HBS1L: variants seen among roughly 807,000 people sequenced by gnomAD.
The protein encoded by HBS1L is HBS1 like translational GTPase, also known as HBS1-like protein.
A neutral mutation model predicts 88.9 loss-of-function variants in HBS1L; 55 were observed. The observed-to-expected ratio is 0.62, with a 90% confidence interval of 0.50 to 0.77. The LOEUF (loss-of-function observed/expected upper bound fraction) is 0.77. Ranked by LOEUF, HBS1L falls within the 30% of genes least tolerant of loss-of-function variation. The pLI is 0.00. For missense variants in HBS1L, 741 were observed against 829.3 expected (o/e 0.89, Z 1.31); for synonymous variants, 267 against 288.5 (o/e 0.93, Z 0.76).
At position 134,964,822 on chromosome 6, in the gene HBS1L, G is replaced by GTAAAAAA. The variant is rs1774262693; in HGVS notation, c.*456_*457insTTTTTTA. ...CCAAATCTTTTCTTAGCATTAACTG[G>GTAAAAAA]AAAAAAAAAAAAAAAAAAAGCTTAG... On this transcript the variant is annotated 3_prime_UTR_variant, in exon 18 of 18. Coordinates refer to ENST00000367837, the MANE Select transcript of HBS1L (RefSeq NM_006620.4). The GTAAAAAA allele has an allele frequency of 1.2e-5, 1 of 84,380 alleles. No homozygotes were observed. The highest frequency in any genetic ancestry group is 1.4e-4 in the Admixed American group (1 of 7,298). The allele number at this position is 84,380 out of a possible 1,614,324, so 5.2% of individuals were successfully genotyped here.
At chr6:135,030,048 C>T (rs1776340538) in intron 4 of HBS1L, among the ~76,000 whole-genome samples, 2 of 152,156 alleles carry the variant, frequency 1.3e-5, no homozygotes, top group Non-Finnish European at 2.9e-5. Flanking sequence ...TACTTAAAAG[C>T]CTTGCCTACG....
At position 135,020,684 on chromosome 6, in the gene HBS1L, G is replaced by A. The variant is rs189774711; in HGVS notation, c.431-17842C>T. Among the ~76,000 whole-genome samples, 6 of 151,980 alleles carry A rather than the reference G, an allele frequency of 3.9e-5. No individual in the cohort carries two copies. The East Asian group carries it at 1.2e-3, about 29-fold the overall frequency. On this transcript the variant is annotated intron_variant, in intron 4 of 17. Coordinates refer to ENST00000367837, the MANE Select transcript of HBS1L (RefSeq NM_006620.4). ...AAGAAGTGTGCTAAAAGTACTATATGTACAATATGTACTATAAGTCTTAAA... is the reference window on the plus strand; with the variant it reads ...AAGAAGTGTGCTAAAAGTACTATATATACAATATGTACTATAAGTCTTAAA...
At chr6:134,976,269 T>G (rs940352656) in intron 15 of HBS1L, among the ~76,000 whole-genome samples, 1 of 152,072 alleles carries the variant, frequency 6.6e-6, no homozygotes, top group African/African-American at 2.4e-5. Flanking sequence ...GATGTTGCCC[T>G]GTATGCGATG....
At chr6:135,025,342 G>C (rs1289644927) in intron 4 of HBS1L, among the ~76,000 whole-genome samples, 2 of 152,168 alleles carry the variant, frequency 1.3e-5, no homozygotes, top group African/African-American at 4.8e-5. Flanking sequence ...CTCCAAAGTT[G>C]GAGGCGTACC....
In HBS1L at chr6:134,997,412, T is replaced by G; in HGVS notation, c.784A>C (p.Asn262His). 1 of 1,614,000 alleles carries G rather than the reference T, an allele frequency of 6.2e-7. No homozygotes were observed. The highest frequency in any genetic ancestry group is 1.7e-4 in the Middle Eastern group (1 of 6,060). Residue 262 changes from asparagine to histidine, a missense_variant, in exon 6 of 18, where the codon AAC becomes CAC. By Grantham distance (68) the Asn-to-His change is moderately conservative (BLOSUM62 1). Coordinates refer to ENST00000367837, the MANE Select transcript of HBS1L (RefSeq NM_006620.4). Reference protein sequence around the residue: ...EKRQGGKQLLNLVVIGHVDAG... With the variant: ...EKRQGGKQLLHLVVIGHVDAG... ...AGAGCATTACCAATGACCACTAAGT[T>G]GAGTAGCTGCTTCCCTCCTTGCCGC...
chr6:134,979,557 T>A, intron 13 of HBS1L: 1 of 286,390 alleles, frequency 3.5e-6, no homozygotes, highest in Non-Finnish European at 6.7e-6. Flanking sequence ...AATTGGTATA[T>A]TCATTAAACA....
intron 15 of HBS1L, among the ~76,000 whole-genome samples, chr6:134,972,189 T>A (rs1774510188): frequency 6.6e-6 from 1 of 152,118 alleles, no homozygotes; most frequent in Non-Finnish European, 1.5e-5. Context: ...GTTATGAGAA[T>A]CAAATTATCT....
rs149162146 is a variant in HBS1L, at chr6:134,986,070, T to C, written c.1419A>G (p.Gln473=). The change falls in exon 11 of 18, where the codon CAA becomes CAG. Residue 473 remains glutamine (Q), a synonymous_variant. Transcript: ENST00000367837. ...CTAGAATGGCAGTATACTTACCAAT[T>C]TGTTCTAATAAACATAGTCCTTTAT... is the stretch of plus-strand genomic sequence containing the variant. ...KWYKGLCLLE[Q]IDSFKPPQRS... The C allele has an allele frequency of 5.9e-4, 810 of 1,364,316 alleles. 1 individual carries two copies. Among genetic ancestry groups the C allele is most frequent in the Non-Finnish European group, 7.7e-4 (741 of 962,706 alleles). 84.5% of individuals were successfully genotyped at this position (1,364,316 alleles called of 1,614,324 possible).
chr6:135,040,794 T>C (rs1273041572), intron 3 of HBS1L, among the ~76,000 whole-genome samples: 4 of 152,224 alleles, frequency 2.6e-5, no homozygotes, highest in Non-Finnish European at 4.4e-5. Context: ...AGAGAGGCTT[T>C]GTATCCCTAG....
At chr6:135,020,582 A>G (rs1776043905) in intron 4 of HBS1L, among the ~76,000 whole-genome samples, 1 of 152,038 alleles carries the variant, frequency 6.6e-6, no homozygotes, top group Non-Finnish European at 1.5e-5. Flanking sequence ...AGTGGAGTAT[A>G]ATTATCCTTT....
intron 16 of HBS1L, among the ~76,000 whole-genome samples, chr6:134,968,005 C>G (rs1433106519): frequency 1.3e-5 from 2 of 152,118 alleles, no homozygotes; most frequent in Non-Finnish European, 2.9e-5. Flanking sequence ...GCCCTTCCTC[C>G]TAACAGAGAA....
intron 12 of HBS1L, among the ~76,000 whole-genome samples, chr6:134,983,884 TAGAC>T (rs1158816199): frequency 1.3e-5 from 2 of 152,004 alleles, no homozygotes; most frequent in African/African-American, 4.8e-5. Flanking sequence ...GTCAGAGAAA[TAGAC>T]AGGTTAACAG....
intron 4 of HBS1L, chr6:135,038,061 T>A: frequency 6.9e-7 from 1 of 1,440,074 alleles, no homozygotes; most frequent in Non-Finnish European, 9.1e-7. Flanking sequence ...TTCAGATGAA[T>A]AGGTTGATAT....
At chr6:134,978,602 A>G in intron 15 of HBS1L, 77 bp downstream of exon 15, 3 of 749,492 alleles carry the variant, frequency 4.0e-6, no homozygotes, top group Non-Finnish European at 6.6e-6. Flanking sequence ...CACCACTTGT[A>G]AAGAAAGTTA....
In HBS1L at chr6:134,966,345, G is replaced by A; in HGVS notation, c.2027C>T (p.Ala676Val). The stretch of plus-strand genomic sequence containing the variant: ...ATAAAATACCTCAGTGACAACACCA[G>A]CAGCTATTGTAGAACCACCGTAACG... ...MLRYGGSTIA[A>V]GVVTEIKE Residue 676 changes from alanine (A) to valine (V), a missense_variant, in exon 17 of 18, where the codon GCT becomes GTT. This residue lies in a region of HBS1L where 181 missense variants were observed against 212.7 expected (regional missense o/e 0.85). Coordinates refer to ENST00000367837, the MANE Select transcript of HBS1L (RefSeq NM_006620.4). 6.2e-7 allele frequency: 1 copy of A among 1,611,080 alleles called. No homozygotes were observed. The highest frequency in any genetic ancestry group is 8.5e-7 in the Non-Finnish European group (1 of 1,178,490).
intron 4 of HBS1L, among the ~76,000 whole-genome samples, chr6:135,032,570 C>T (rs1184521829): frequency 1.3e-5 from 2 of 152,098 alleles, no homozygotes; most frequent in Non-Finnish European, 2.9e-5. Context: ...ACACAAAAAA[C>T]ATGTTGATAC....
intron 4 of HBS1L, among the ~76,000 whole-genome samples, chr6:135,033,036 T>C (rs1007729674): frequency 3.9e-5 from 6 of 152,098 alleles, no homozygotes; most frequent in African/African-American, 1.2e-4. Flanking sequence ...ACCTAAAGAC[T>C]TTAGAATGCA....
At chr6:135,041,936 A>G in intron 3 of HBS1L, 65 bp downstream of exon 3, 2 of 1,433,940 alleles carry the variant, frequency 1.4e-6, no homozygotes, top group Non-Finnish European at 1.9e-6. Flanking sequence ...AATAAAACTG[A>G]TAAATTCTGG....
At chr6:135,004,899 AAGAAG>A (rs1243407460) in intron 4 of HBS1L, among the ~76,000 whole-genome samples, 1 of 152,208 alleles carries the variant, frequency 6.6e-6, no homozygotes, top group Non-Finnish European at 1.5e-5. Context: ...AGCACAGAGA[AAGAAG>A]AGAAGTGGTC....
Sources: allele counts gnomAD v4.1 joint callset (sites outside exome capture counted in the v4.1 genomes callset), GRCh38; gene constraint gnomAD v4.1.1; regional missense constraint gnomAD v4.1.1; transcripts MANE v1.5; gene names NCBI Gene and HGNC (gene_info 2026-07-23, HGNC 2026-07-21).